The following CPA6 variants were observed in gnomAD, a reference collection of about 807,000 sequenced individuals.
The protein encoded by CPA6 is carboxypeptidase A6, also known as carboxypeptidase B.
In CPA6, 58 loss-of-function variants were observed where a neutral mutation model predicts 63.3. The observed-to-expected ratio is 0.92, with a 90% CI of 0.74 to 1.14. CPA6 has a LOEUF of 1.14. CPA6 is among the 50% of genes most tolerant of loss of function. The probability of loss-of-function intolerance (pLI) is 0.00; values close to 1 mark genes in which losing one functional copy is unlikely to be tolerated. For missense variants in CPA6, 565 were observed against 526.6 expected (o/e 1.07, Z -0.71); for synonymous variants, 185 against 179.0 (o/e 1.03, Z -0.27).
At chr8:67,575,372 A>G (rs1201462380) in intron 2 of CPA6, among the ~76,000 whole-genome samples, 1 of 152,230 alleles carries the variant, frequency 6.6e-6, no homozygotes, top group African/African-American at 2.4e-5. Context: ...TGATCCAGCA[A>G]TGCCACAAAT....
chr8:67,537,926 C>T (rs10108439), intron 2 of CPA6, among the ~76,000 whole-genome samples: 13,918 of 152,144 alleles, frequency 0.091, 1,640 homozygotes, highest in African/African-American at 0.27. Context: ...TTTATTTCTG[C>T]CTTAATTTCG....
At chr8:67,531,620 G>C (rs1812479648) in intron 2 of CPA6, among the ~76,000 whole-genome samples, 1 of 151,984 alleles carries the variant, frequency 6.6e-6, no homozygotes, top group South Asian at 2.1e-4. Flanking sequence ...CAATTTACCA[G>C]GAAGATGTAA....
intron 8 of CPA6, among the ~76,000 whole-genome samples, chr8:67,456,733 G>A (rs1156997965): frequency 6.6e-6 from 1 of 152,164 alleles, no homozygotes; most frequent in Non-Finnish European, 1.5e-5. Flanking sequence ...AATGGAAAAG[G>A]GCCTCTGTAG....
rs2128979250 is a variant in CPA6 at position 67,584,670 on chromosome 8, G to A, written c.192+39506C>T. 2.0e-5 allele frequency among the ~76,000 whole-genome samples: 3 copies of A among 152,314 alleles called. No homozygotes were observed. In the South Asian group the frequency reaches 6.2e-4, roughly 32 times the overall value. On this transcript the variant is annotated intron_variant, in intron 2 of 10. Coordinates refer to ENST00000297770, the MANE Select transcript of CPA6 (RefSeq NM_020361.5). ...CCTGCTCCGACTATAGTGCTGGAGT[G>A]GAGTAGGGCTGAGAATGGGGTTGGA...
chr8:67,533,713 A>G (rs1812525122), intron 2 of CPA6, among the ~76,000 whole-genome samples: 1 of 152,230 alleles, frequency 6.6e-6, no homozygotes, highest in African/African-American at 2.4e-5. Flanking sequence ...ATGGCAAACA[A>G]ACCTCTTTCA....
chr8:67,610,769 C>CT lies in CPA6; in HGVS notation c.192+13406dup, dbSNP rs199992298. On this transcript the variant is annotated intron_variant, in intron 2 of 10. Transcript: ENST00000297770. ...GCCACCAAATAATCTCAACAAAAAC[C>CT]TTTTTTTTTGAGCTTGATAAAGATT... 8.1e-3 allele frequency among the ~76,000 whole-genome samples: 1,219 copies of CT among 151,304 alleles called. 15 individuals carry two copies. The highest frequency in any genetic ancestry group is 0.027 in the African/African-American group (1,116 of 41,214).
At chr8:67,552,901 T>C (rs1026066327) in intron 2 of CPA6, among the ~76,000 whole-genome samples, 1 of 152,074 alleles carries the variant, frequency 6.6e-6, no homozygotes, top group African/African-American at 2.4e-5. Context: ...TTTGTACAGT[T>C]GCATTTTTGT....
At chr8:67,562,859 A>C (rs992922483) in intron 2 of CPA6, among the ~76,000 whole-genome samples, 13 of 152,200 alleles carry the variant, frequency 8.5e-5, no homozygotes, top group Admixed American at 8.5e-4. Flanking sequence ...TATTTAAGCC[A>C]CCTACTCTTT....
rs556649765 is a variant in CPA6 at position 67,567,623 on chromosome 8, C to T, written c.193-49576G>A. ...CAAAAACAAACACCTTGGTGAAAAC[C>T]CCAAAACATGGGAATAAATCTGAAC... On this transcript the variant is annotated intron_variant, in intron 2 of 10. Transcript: ENST00000297770. Among the ~76,000 whole-genome samples, 156 of 152,274 alleles carry T rather than the reference C, an allele frequency of 1.0e-3. 1 individual carries two copies. The highest frequency in any genetic ancestry group is 3.6e-3 in the African/African-American group (151 of 41,548).
At chr8:67,664,284 G>T (rs558717912) in intron 1 of CPA6, among the ~76,000 whole-genome samples, 125 of 152,332 alleles carry the variant, frequency 8.2e-4, no homozygotes, top group African/African-American at 2.9e-3. Context: ...AACATTTGTA[G>T]GAGCTGGATC....
chr8:67,435,080 G>A (rs1810118882), intron 8 of CPA6, among the ~76,000 whole-genome samples: 1 of 152,222 alleles, frequency 6.6e-6, no homozygotes, highest in African/African-American at 2.4e-5. Context: ...TCCGCTTTGT[G>A]AGGCTCAGAG....
At chr8:67,457,608 T>A (rs1810704814) in intron 8 of CPA6, among the ~76,000 whole-genome samples, 1 of 152,102 alleles carries the variant, frequency 6.6e-6, no homozygotes, top group African/African-American at 2.4e-5. Flanking sequence ...GCCTCTAAAC[T>A]GGTTCCCCTC....
intron 8 of CPA6, among the ~76,000 whole-genome samples, chr8:67,464,968 C>T (rs1473991466): frequency 6.6e-6 from 1 of 152,064 alleles, no homozygotes; most frequent in Admixed American, 6.6e-5. Context: ...GTTCTTTTTG[C>T]TTAGGATTGC....
At chr8:67,448,664 G>GAAAAAAAAAAA (rs1810487222) in intron 8 of CPA6, among the ~76,000 whole-genome samples, 1 of 66,462 alleles carries the variant, frequency 1.5e-5, no homozygotes, top group Non-Finnish European at 2.8e-5. Flanking sequence ...AGGAAAGAAC[G>GAAAAAAAAAAA]AAAAAGAAAA....
At chr8:67,610,414 A>G (rs915393473) in intron 2 of CPA6, among the ~76,000 whole-genome samples, 19 of 151,942 alleles carry the variant, frequency 1.3e-4, no homozygotes, top group Non-Finnish European at 2.5e-4. Flanking sequence ...TACCATACTC[A>G]TTGTTACCAT....
chr8:67,682,933 A>G (rs1290749837), intron 1 of CPA6, among the ~76,000 whole-genome samples: 1 of 152,164 alleles, frequency 6.6e-6, no homozygotes, highest in Non-Finnish European at 1.5e-5. Flanking sequence ...GTATTTGTTG[A>G]TGGATACTTA....
chr8:67,558,292 C>A (rs1813115158), intron 2 of CPA6, among the ~76,000 whole-genome samples: 1 of 152,142 alleles, frequency 6.6e-6, no homozygotes, highest in Admixed American at 6.5e-5. Context: ...TGCATTTCTT[C>A]TATATAATCC....
intron 8 of CPA6, chr8:67,452,487 G>A (rs1810577449): frequency 6.6e-6 from 1 of 152,104 alleles, no homozygotes; most frequent in Non-Finnish European, 1.5e-5. Flanking sequence ...GTTCTTCAGT[G>A]GTCACTCTCT....
chr8:67,730,962 A>G (rs1278003006), intron 1 of CPA6, among the ~76,000 whole-genome samples: 3 of 152,224 alleles, frequency 2.0e-5, no homozygotes, highest in Non-Finnish European at 4.4e-5. Flanking sequence ...AAAATTATCC[A>G]TTCTTAAGAA....
Sources: gnomAD v4.1 joint callset for allele counts (sites outside exome capture counted in the v4.1 genomes callset) on GRCh38, gnomAD v4.1.1 for gene constraint, MANE v1.5 for transcripts, NCBI Gene and HGNC (gene_info 2026-07-23, HGNC 2026-07-21) for gene names.